The following RALA variants were observed in gnomAD, a reference collection of about 807,000 sequenced individuals.
The protein encoded by RALA is ras-related protein Ral-A.
Under a neutral mutation model 24.0 loss-of-function variants are expected in RALA, and 5 were observed. That is an observed-to-expected ratio of 0.21 (90% confidence interval 0.11 to 0.44). The LOEUF (loss-of-function observed/expected upper bound fraction) is 0.44, where lower values mean the gene tolerates loss of function less well. Among genes scored for constraint, RALA ranks in the 20% least tolerant of loss-of-function variants. RALA has a pLI of 0.99. For missense variants in RALA, 95 were observed against 241.2 expected (o/e 0.39, Z 4.01); for synonymous variants, 77 against 83.8 (o/e 0.92, Z 0.44).
At chr7:39,695,025 C>A in intron 3 of RALA, among the ~76,000 whole-genome samples, 1 of 151,134 alleles carries the variant, frequency 6.6e-6, no homozygotes, top group East Asian at 1.9e-4. Context: ...TGCCACTGCA[C>A]TACAGCCTGG....
rs908759976 is a variant in RALA, at chr7:39,661,885, A to T, written c.-37-24746A>T. Reference sequence around the variant, plus strand: ...TGCACTGCCTTAGCAGAAGTTCTCCATGAGGGCCCTGCCCCTGCCTGGACA... The same window carrying T: ...TGCACTGCCTTAGCAGAAGTTCTCCTTGAGGGCCCTGCCCCTGCCTGGACA... On this transcript the variant is annotated intron_variant, in intron 1 of 4. Transcript: ENST00000005257. 2.2e-4 allele frequency among the ~76,000 whole-genome samples: 33 copies of T among 149,010 alleles called. No individual in the cohort carries two copies. In the Admixed American group the frequency reaches 2.2e-3, roughly 10 times the overall value.
At chr7:39,698,967 C>T (rs1194541422) in intron 4 of RALA, among the ~76,000 whole-genome samples, 3 of 151,684 alleles carry the variant, frequency 2.0e-5, no homozygotes, top group East Asian at 3.9e-4. Context: ...TTTTTTTACC[C>T]GTCACTTTGG....
At chr7:39,684,122 A>G (rs115008919) in intron 1 of RALA, among the ~76,000 whole-genome samples, 2,072 of 152,250 alleles carry the variant, frequency 0.014, 45 homozygotes, top group African/African-American at 0.047. Context: ...ACTGTTTTTG[A>G]GCAGTGATAA....
rs185515356 is a variant in RALA, at chr7:39,686,386, C to T, written c.-37-245C>T. Among the ~76,000 whole-genome samples, 321 of 152,260 alleles carry T rather than the reference C, an allele frequency of 2.1e-3. 4 individuals carry two copies. Among genetic ancestry groups the T allele is most frequent in the Non-Finnish European group, 8.2e-4 (56 of 68,030 alleles). Reference sequence around the variant, plus strand: ...GAAATTTTCACTTTTGATCATAGCTCATTACTGAAACCCAACTATTTTAAG... The same window carrying T: ...GAAATTTTCACTTTTGATCATAGCTTATTACTGAAACCCAACTATTTTAAG... On this transcript the variant is annotated intron_variant, in intron 1 of 4. Transcript: ENST00000005257.
At chr7:39,680,405 AAT>A (rs10540439) in intron 1 of RALA, among the ~76,000 whole-genome samples, 80,148 of 147,610 alleles carry the variant, frequency 0.54, 22,654 homozygotes, top group African/African-American at 0.7. Flanking sequence ...AAAAAACACA[AAT>A]ATATATATAT....
chr7:39,703,867 ACT>A (rs1793071165), intron 4 of RALA, among the ~76,000 whole-genome samples: 1 of 152,174 alleles, frequency 6.6e-6, no homozygotes, highest in Non-Finnish European at 1.5e-5. Context: ...TCACAAACAA[ACT>A]ACAAAATGAA....
At chr7:39,689,120 T>C (rs927275709) in intron 2 of RALA, among the ~76,000 whole-genome samples, 13 of 152,122 alleles carry the variant, frequency 8.5e-5, no homozygotes, top group African/African-American at 3.1e-4. Flanking sequence ...TCCCCCAGCA[T>C]TGGGAATTAC....
At chr7:39,696,332 T>C (rs764118040) in intron 3 of RALA, among the ~76,000 whole-genome samples, 14 of 152,144 alleles carry the variant, frequency 9.2e-5, no homozygotes, top group South Asian at 2.1e-4. Flanking sequence ...TGAGAGACAT[T>C]GTACAAACTG....
chr7:39,628,197 G>GTT (rs1299016085), intron 1 of RALA, among the ~76,000 whole-genome samples: 3 of 151,582 alleles, frequency 2.0e-5, no homozygotes, highest in Admixed American at 1.3e-4. Flanking sequence ...TTACAATTAG[G>GTT]TTCTCTCTCT....
At chr7:39,672,395 C>T (rs1003583067) in intron 1 of RALA, among the ~76,000 whole-genome samples, 1 of 152,112 alleles carries the variant, frequency 6.6e-6, no homozygotes, top group Non-Finnish European at 1.5e-5. Flanking sequence ...AAGCCTGGGA[C>T]AGTGCCAGGA....
intron 1 of RALA, among the ~76,000 whole-genome samples, chr7:39,636,831 T>C (rs1363280891): frequency 1.3e-5 from 2 of 152,042 alleles, no homozygotes. Flanking sequence ...CTCATTATGG[T>C]GGAGCAGGAG....
chr7:39,645,129 A>G (rs1418551018), intron 1 of RALA, among the ~76,000 whole-genome samples: 1 of 152,202 alleles, frequency 6.6e-6, no homozygotes, highest in Non-Finnish European at 1.5e-5. Context: ...TGAGACTATA[A>G]TTGTAACATC....
At chr7:39,679,627 A>G (rs886554478) in intron 1 of RALA, among the ~76,000 whole-genome samples, 3 of 152,270 alleles carry the variant, frequency 2.0e-5, no homozygotes, top group Middle Eastern at 3.4e-3. Flanking sequence ...AGCTTTTTAT[A>G]TAGAGAAATC....
chr7:39,706,892 T>A lies in RALA; in HGVS notation c.*647T>A, dbSNP rs1259131664. The A allele has an allele frequency of 6.5e-6, 1 of 152,684 alleles. No homozygotes were observed. Among genetic ancestry groups the A allele is most frequent in the Non-Finnish European group, 1.5e-5 (1 of 68,084 alleles). The allele number at this position is 152,684 out of a possible 1,614,324, so 9.5% of individuals were successfully genotyped here. A position where few individuals can be genotyped will look rare whatever the true frequency, so the allele number is the denominator to read the frequency against. On this transcript the variant is annotated 3_prime_UTR_variant, in exon 5 of 5. Transcript: ENST00000005257. The stretch of plus-strand genomic sequence containing the variant: ...TGGTTATATCATTCTGGGTGTGTTC[T>A]TACTGACACCAGGGGTCCGCTGCCC...
At chr7:39,697,551 T>G in intron 4 of RALA, 1 of 433,460 alleles carries the variant, frequency 2.3e-6, no homozygotes, top group Non-Finnish European at 4.6e-6. Context: ...GGGTCTTTCT[T>G]CAGCCTGCAA....
chr7:39,698,452 G>A (rs966501250), intron 4 of RALA, among the ~76,000 whole-genome samples: 16 of 152,000 alleles, frequency 1.1e-4, no homozygotes, highest in Admixed American at 6.5e-5. Context: ...AATCACATAT[G>A]TAAAATGCCC....
At chr7:39,702,051 A>C (rs1396297628) in intron 4 of RALA, among the ~76,000 whole-genome samples, 1 of 152,238 alleles carries the variant, frequency 6.6e-6, no homozygotes, top group African/African-American at 2.4e-5. Context: ...TTATTATGTC[A>C]AGAGAATCAG....
chr7:39,671,988 A>G (rs1222412131), intron 1 of RALA, among the ~76,000 whole-genome samples: 2 of 152,090 alleles, frequency 1.3e-5, no homozygotes, highest in African/African-American at 4.8e-5. Flanking sequence ...TCTCTTTATA[A>G]TAAATTATTA....
At position 39,681,302 on chromosome 7, in the gene RALA, C is replaced by CTTTTTT. The variant is rs70996832; in HGVS notation, c.-37-5301_-37-5296dup. Reference sequence around the variant, plus strand: ...TCCTCAACCCAAACCCACCCTATTCCTTTTTTTTTTTTTTTTTTTTTTTTT... The same window carrying CTTTTTT: ...TCCTCAACCCAAACCCACCCTATTCCTTTTTTTTTTTTTTTTTTTTTTTTTTTTTTT... On this transcript the variant is annotated intron_variant, in intron 1 of 4. Coordinates refer to ENST00000005257, the MANE Select transcript of RALA (RefSeq NM_005402.4). Among the ~76,000 whole-genome samples, 124 of 50,052 alleles carry CTTTTTT rather than the reference C, an allele frequency of 2.5e-3. 17 individuals are homozygous for CTTTTTT. The highest frequency in any genetic ancestry group is 0.02 in the Middle Eastern group (1 of 50). 32.8% of individuals were successfully genotyped at this position (50,052 alleles called of 152,430 possible).
Sources: allele counts gnomAD v4.1 joint callset (sites outside exome capture counted in the v4.1 genomes callset), GRCh38; gene constraint gnomAD v4.1.1; transcripts MANE v1.5; gene names NCBI Gene and HGNC (gene_info 2026-07-23, HGNC 2026-07-21).